UMAD1: variants seen among roughly 807,000 people sequenced by gnomAD.
UMAD1 encodes UBAP1-MVB12-associated (UMA) domain containing 1, also known as UBAP1-MVB12-associated (UMA)-domain containing protein 1.
UMAD1 carries 8 observed loss-of-function variants against 6.1 expected under a neutral mutation model. The ratio of observed to expected loss-of-function variants is 1.30; its 90% confidence interval spans 0.76 to 2.35. The LOEUF (loss-of-function observed/expected upper bound fraction) is 2.35. Among genes scored for constraint, UMAD1 ranks in the 30% most tolerant of loss-of-function variants. The pLI is 0.00. For missense variants in UMAD1, 130 were observed against 78.4 expected (o/e 1.66, Z -2.49); for synonymous variants, 56 against 31.4 (o/e 1.78, Z -2.61).
intron 2 of UMAD1, among the ~76,000 whole-genome samples, chr7:7,730,725 GA>G (rs112867608): frequency 1.1e-4 from 16 of 151,420 alleles, no homozygotes; most frequent in East Asian, 3.9e-4. Flanking sequence ...AAACCTGGGG[GA>G]AAAAAAACCC....
chr7:7,645,452 A>G (rs2115544943), intron 1 of UMAD1, among the ~76,000 whole-genome samples: 1 of 152,252 alleles, frequency 6.6e-6, no homozygotes, highest in African/African-American at 2.4e-5. Flanking sequence ...CTAGTTCCAT[A>G]TTTATGGTTA....
intron 2 of UMAD1, among the ~76,000 whole-genome samples, chr7:7,716,320 A>G (rs1465316089): frequency 6.6e-6 from 1 of 152,264 alleles, no homozygotes; most frequent in Non-Finnish European, 1.5e-5. Flanking sequence ...CTTCAAAGTG[A>G]TACAGGAGCT....
At chr7:7,733,674 C>G (rs1160302705) in intron 2 of UMAD1, among the ~76,000 whole-genome samples, 1 of 149,414 alleles carries the variant, frequency 6.7e-6, no homozygotes, top group Non-Finnish European at 1.5e-5. Context: ...TAGATATTCT[C>G]CCAAAATATT....
chr7:7,707,042 A>G (rs904235399), intron 2 of UMAD1, among the ~76,000 whole-genome samples: 10 of 152,216 alleles, frequency 6.6e-5, no homozygotes, highest in African/African-American at 2.2e-4. Flanking sequence ...TGACTGTGTC[A>G]GGACACTAAT....
intron 2 of UMAD1, among the ~76,000 whole-genome samples, chr7:7,727,192 C>T (rs1008139400): frequency 1.3e-5 from 2 of 152,202 alleles, no homozygotes; most frequent in African/African-American, 2.4e-5. Flanking sequence ...CTGTAATTCT[C>T]AATGAGTATT....
At chr7:7,843,281 C>G (rs1251176227) in intron 3 of UMAD1, among the ~76,000 whole-genome samples, 1 of 152,208 alleles carries the variant, frequency 6.6e-6, no homozygotes, top group African/African-American at 2.4e-5. Flanking sequence ...TTCTGAGATT[C>G]ACTGCGAAGT....
intron 3 of UMAD1, among the ~76,000 whole-genome samples, chr7:7,819,364 T>C (rs1583849417): frequency 6.6e-6 from 1 of 152,344 alleles, no homozygotes; most frequent in Non-Finnish European, 1.5e-5. Flanking sequence ...CAGTTGTTTA[T>C]ATTACGCTGT....
At chr7:7,658,866 T>G (rs530584771) in intron 1 of UMAD1, among the ~76,000 whole-genome samples, 38 of 152,306 alleles carry the variant, frequency 2.5e-4, no homozygotes, top group South Asian at 1.9e-3. Context: ...TTTGGAATAG[T>G]TTCAGAAGGA....
chr7:7,752,606 A>G (rs1451549744), intron 2 of UMAD1, among the ~76,000 whole-genome samples: 1 of 152,120 alleles, frequency 6.6e-6, no homozygotes, highest in Non-Finnish European at 1.5e-5. Context: ...TCCTTAACAC[A>G]TATTTCTAAA....
At chr7:7,857,732 T>G (rs1784044517) in intron 3 of UMAD1, among the ~76,000 whole-genome samples, 1 of 152,206 alleles carries the variant, frequency 6.6e-6, no homozygotes, top group African/African-American at 2.4e-5. Context: ...CACATAGAAT[T>G]AGCATATCGA....
intron 2 of UMAD1, among the ~76,000 whole-genome samples, chr7:7,794,770 G>C (rs1244173223): frequency 3.9e-5 from 6 of 152,090 alleles, no homozygotes; most frequent in Non-Finnish European, 7.4e-5. Flanking sequence ...TGTCTTTTGT[G>C]GGGGAGATTA....
intron 3 of UMAD1, among the ~76,000 whole-genome samples, chr7:7,803,354 A>C (rs947293938): frequency 6.6e-6 from 1 of 152,184 alleles, no homozygotes; most frequent in Non-Finnish European, 1.5e-5. Flanking sequence ...ACATGCCTGT[A>C]GTCCCAGCTA....
intron 2 of UMAD1, among the ~76,000 whole-genome samples, chr7:7,770,435 A>C (rs574424927): frequency 5.3e-4 from 80 of 152,138 alleles, no homozygotes; most frequent in Non-Finnish European, 9.8e-4. Context: ...TTGGCATAAA[A>C]ACACCACTGT....
At chr7:7,817,319 G>C (rs764178100) in intron 3 of UMAD1, among the ~76,000 whole-genome samples, 5 of 152,156 alleles carry the variant, frequency 3.3e-5, no homozygotes, top group African/African-American at 1.2e-4. Context: ...TTCCCTGTGC[G>C]TGGCATGCAT....
rs145661153 is a variant in UMAD1 at position 7,876,969 on chromosome 7, C to T, written c.157-312C>T. On this transcript the variant is annotated intron_variant, in intron 3 of 3. Transcript: ENST00000682710. ...CTGAGAATTTAGCAGAGCCTGAAAA[C>T]GTACATAGGATTTGGAAAAGCGGAG... is the stretch of plus-strand genomic sequence containing the variant. Among the ~76,000 whole-genome samples, 195 of 152,238 alleles carry T rather than the reference C, an allele frequency of 1.3e-3. 1 individual carries two copies. The Middle Eastern group carries it at 0.034, about 27-fold the overall frequency.
At chr7:7,664,102 A>G (rs1563098348) in intron 1 of UMAD1, among the ~76,000 whole-genome samples, 2 of 152,206 alleles carry the variant, frequency 1.3e-5, no homozygotes, top group African/African-American at 4.8e-5. Context: ...GCTATTATTT[A>G]AAACCTAGAT....
At chr7:7,782,667 C>T (rs1446133107) in intron 2 of UMAD1, among the ~76,000 whole-genome samples, 3 of 151,650 alleles carry the variant, frequency 2.0e-5, no homozygotes, top group Non-Finnish European at 2.9e-5. Context: ...CCTAGTTAAT[C>T]CACGTTATTG....
intron 2 of UMAD1, among the ~76,000 whole-genome samples, chr7:7,751,198 G>T (rs914592966): frequency 5.3e-4 from 81 of 152,240 alleles, no homozygotes; most frequent in African/African-American, 1.8e-3. Context: ...CTCTGTCGTT[G>T]ACTATATCTC....
intron 3 of UMAD1, among the ~76,000 whole-genome samples, chr7:7,853,344 A>G (rs1783954636): frequency 6.6e-6 from 1 of 152,068 alleles, no homozygotes; most frequent in Non-Finnish European, 1.5e-5. Context: ...CCACTTTTTT[A>G]CAATGAAATC....
Sources: allele counts gnomAD v4.1 joint callset (sites outside exome capture counted in the v4.1 genomes callset), GRCh38; gene constraint gnomAD v4.1.1; transcripts MANE v1.5; gene names NCBI Gene and HGNC (gene_info 2026-07-23, HGNC 2026-07-21).